Variants in PURA observed in about 807,000 individuals in gnomAD.
The protein encoded by PURA is purine rich element binding protein A, also known as transcriptional activator protein Pur-alpha.
A neutral mutation model predicts 23.1 loss-of-function variants in PURA; 2 were observed. That is an observed-to-expected ratio of 0.09 (90% CI 0.04 to 0.27). The LOEUF (loss-of-function observed/expected upper bound fraction) is 0.27, where lower values mean the gene tolerates loss of function less well. Among genes scored for constraint, PURA ranks in the 10% least tolerant of loss-of-function variants. The probability of loss-of-function intolerance (pLI) is 1.00; values close to 1 mark genes in which losing one functional copy is unlikely to be tolerated. For missense variants in PURA, 187 were observed against 449.7 expected (o/e 0.42, Z 5.28); for synonymous variants, 254 against 205.9 (o/e 1.23, Z -2.00).
Position 140,125,313 on chromosome 5 carries a change from G to T in PURA, c.*10163G>T, listed in dbSNP as rs1309633768. The T allele has an allele frequency of 6.0e-6, 1 of 167,000 alleles. No homozygotes were observed. The highest frequency in any genetic ancestry group is 6.5e-5 in the Admixed American group (1 of 15,272). The allele number at this position is 167,000 out of a possible 1,614,324, so 10.3% of individuals were successfully genotyped here. A position where few individuals can be genotyped will look rare whatever the true frequency, so the allele number is the denominator to read the frequency against. ...TAAAACCTTTCATATTGGAATTATTGTTAGATGGTGGCCCCTACTAGCAAA... is the reference window on the plus strand; with the variant it reads ...TAAAACCTTTCATATTGGAATTATTTTTAGATGGTGGCCCCTACTAGCAAA... On this transcript the variant is annotated 3_prime_UTR_variant, in exon 1 of 1. Coordinates refer to ENST00000331327, the MANE Select transcript of PURA (RefSeq NM_005859.5).
rs946785158 is a variant in PURA, at chr5:140,119,139, C to T, written c.*3989C>T. ...AATATATTAGTCTAAGTTTTGTATG[C>T]TAACAGAAAGATATAATTTAGCTAC... On this transcript the variant is annotated 3_prime_UTR_variant, in exon 1 of 1. Coordinates refer to ENST00000331327, the MANE Select transcript of PURA (RefSeq NM_005859.5). The T allele has an allele frequency of 6.0e-6, 1 of 166,596 alleles. No individual in the cohort carries two copies. Among genetic ancestry groups the T allele is most frequent in the Non-Finnish European group, 1.5e-5 (1 of 67,962 alleles). The allele number at this position is 166,596 out of a possible 1,614,324, so 10.3% of individuals were successfully genotyped here.
At position 140,114,260 on chromosome 5, in the gene PURA, G is replaced by C. The variant is rs1470806491; in HGVS notation, c.79G>C (p.Gly27Arg). 8.2e-7 allele frequency: 1 copy of C among 1,215,266 alleles called. No homozygotes were observed. The highest frequency in any genetic ancestry group is 1.0e-6 in the Non-Finnish European group (1 of 982,910). 75.3% of individuals were successfully genotyped at this position (1,215,266 alleles called of 1,614,324 possible). The change falls in exon 1 of 1, where the codon GGC becomes CGC. Residue 27 changes from glycine to arginine, a missense_variant. Physicochemically the swap from Gly to Arg is moderately radical, Grantham distance 125. This residue lies in a region of PURA where 33 missense variants were observed against 30.4 expected (regional missense o/e 1.08). Coordinates refer to ENST00000331327, the MANE Select transcript of PURA (RefSeq NM_005859.5). ...SGGSLGHPGS[G>R]SGSGGGGGGG... The stretch of plus-strand genomic sequence containing the variant: ...CGGCTCCCTGGGGCACCCCGGCTCG[G>C]GCTCAGGCTCCGGCGGGGGCGGTGG...
At position 140,125,400 on chromosome 5, in the gene PURA, A is replaced by G. The variant is rs1763201484; in HGVS notation, c.*10250A>G. The G allele has an allele frequency of 6.0e-6, 1 of 167,066 alleles. No individual in the cohort carries two copies. Among genetic ancestry groups the G allele is most frequent in the Non-Finnish European group, 1.5e-5 (1 of 68,114 alleles). 10.3% of individuals were successfully genotyped at this position (167,066 alleles called of 1,614,324 possible). ...CAACCAGAGAGAAGGGAAAAAAGCAAAGTTCTGAAAGCTATTTATAAGGAG... is the reference window on the plus strand; with the variant it reads ...CAACCAGAGAGAAGGGAAAAAAGCAGAGTTCTGAAAGCTATTTATAAGGAG... On this transcript the variant is annotated 3_prime_UTR_variant, in exon 1 of 1. Transcript: ENST00000331327.
Position 140,116,163 on chromosome 5 carries a change from A to G in PURA, c.*1013A>G, listed in dbSNP as rs1763077917. 6.0e-6 allele frequency: 1 copy of G among 167,070 alleles called. No individual in the cohort carries two copies. Among genetic ancestry groups the G allele is most frequent in the African/African-American group, 2.4e-5 (1 of 41,448 alleles). The allele number at this position is 167,070 out of a possible 1,614,324, so 10.3% of individuals were successfully genotyped here. On this transcript the variant is annotated 3_prime_UTR_variant, in exon 1 of 1. Transcript: ENST00000331327. ...ATAATATATTTTTTTTATTATGTGT[A>G]GAAAGATTTTAAAAAACTAACGTGC... is the stretch of plus-strand genomic sequence containing the variant.
In PURA at chr5:140,118,679, C is replaced by G. The variant is rs1251103024; in HGVS notation, c.*3529C>G. ...GACAATGCTAGTCAGAAAAGACAAA[C>G]TGTTTTCCAGCTTCTCAAAAAGCCA... On this transcript the variant is annotated 3_prime_UTR_variant, in exon 1 of 1. Coordinates refer to ENST00000331327, the MANE Select transcript of PURA (RefSeq NM_005859.5). The G allele has an allele frequency of 6.0e-6, 1 of 166,812 alleles. No homozygotes were observed. The highest frequency in any genetic ancestry group is 1.9e-4 in the East Asian group (1 of 5,202). The allele number at this position is 166,812 out of a possible 1,614,324, so 10.3% of individuals were successfully genotyped here. A position where few individuals can be genotyped will look rare whatever the true frequency, so the allele number is the denominator to read the frequency against.
chr5:140,115,719 T>C lies in PURA; in HGVS notation c.*569T>C, dbSNP rs1268502816. The C allele has an allele frequency of 1.8e-5, 3 of 167,090 alleles. No homozygotes were observed. The highest frequency in any genetic ancestry group is 6.5e-5 in the Admixed American group (1 of 15,290). The allele number at this position is 167,090 out of a possible 1,614,324, so 10.4% of individuals were successfully genotyped here. A position where few individuals can be genotyped will look rare whatever the true frequency, so the allele number is the denominator to read the frequency against. On this transcript the variant is annotated 3_prime_UTR_variant, in exon 1 of 1. Transcript: ENST00000331327. This position sits in a 1 kb window ranked among gnomAD's most constrained non-coding sequence, Gnocchi z 4.1. Reference sequence around the variant, plus strand: ...ACCTTACATGGAGGTTATTATAGTATATTTGACACCCTATATACCTGTGAT... The same window carrying C: ...ACCTTACATGGAGGTTATTATAGTACATTTGACACCCTATATACCTGTGAT...
In PURA at chr5:140,114,481, T is replaced by C. The variant is rs1581036279; in HGVS notation, c.300T>C (p.Leu100=). 1 of 1,612,764 alleles carries C rather than the reference T, an allele frequency of 6.2e-7. No homozygotes were observed. The highest frequency in any genetic ancestry group is 8.5e-7 in the Non-Finnish European group (1 of 1,179,690). Residue 100 remains leucine (L), a synonymous_variant, in exon 1 of 1, where the codon CTT becomes CTC. Transcript: ENST00000331327. The part of the protein sequence containing the change: ...EVGAGGNKSR[L]TLSMSVAVEF... ...GCGCGGGCGGCAACAAGAGCCGCCT[T>C]ACTCTCTCCATGTCAGTGGCCGTGG...
In PURA at chr5:140,114,148, A is replaced by G; in HGVS notation, c.-34A>G. The G allele has an allele frequency of 1.9e-6, 1 of 513,902 alleles. No individual in the cohort carries two copies. Among genetic ancestry groups the G allele is most frequent in the Non-Finnish European group, 2.9e-6 (1 of 350,090 alleles). 31.8% of individuals were successfully genotyped at this position (513,902 alleles called of 1,614,324 possible). A position where few individuals can be genotyped will look rare whatever the true frequency, so the allele number is the denominator to read the frequency against. On this transcript the variant is annotated 5_prime_UTR_variant, in exon 1 of 1. Transcript: ENST00000331327. ...CGACTGAGGCGGCGGGCGGAGCGGC[A>G]GGCGGCGGCGGCGCGGCAGCGGAGC...
At position 140,119,543 on chromosome 5, in the gene PURA, G is replaced by T. The variant is rs1173180408; in HGVS notation, c.*4393G>T. ...TAAATCCGTTGATAATGAGAATCTGGGTGGGTATCATGGCCCAAGCACTTT... is the reference window on the plus strand; with the variant it reads ...TAAATCCGTTGATAATGAGAATCTGTGTGGGTATCATGGCCCAAGCACTTT... On this transcript the variant is annotated 3_prime_UTR_variant, in exon 1 of 1. Transcript: ENST00000331327. 2 of 166,620 alleles carry T rather than the reference G, an allele frequency of 1.2e-5. No individual in the cohort carries two copies. The highest frequency in any genetic ancestry group is 2.9e-5 in the Non-Finnish European group (2 of 67,886). The allele number at this position is 166,620 out of a possible 1,614,324, so 10.3% of individuals were successfully genotyped here.
Position 140,114,724 on chromosome 5 carries a change from C to T in PURA, c.543C>T (p.Gly181=), listed in dbSNP as rs555886273. The change falls in exon 1 of 1, where the codon GGC becomes GGT. Residue 181 remains glycine (G), a synonymous_variant. Transcript: ENST00000331327. ...RQTVNRGPGL[G]STQGQTIALP... The stretch of plus-strand genomic sequence containing the variant: ...CGGTCAACCGGGGGCCTGGCCTGGG[C>T]TCCACGCAGGGCCAGACCATTGCGC... 1.8e-5 allele frequency: 29 copies of T among 1,612,930 alleles called. No homozygotes were observed. In the East Asian group the frequency reaches 4.7e-4, roughly 26 times the overall value.
chr5:140,114,571 G>A lies in PURA; in HGVS notation c.390G>A (p.Pro130=), dbSNP rs771038985. ...CGCAGCTGGGCCCCAGCCAGCCGCC[G>A]GACCTGGCCCAGGCGCAGGACGAGC... is the stretch of plus-strand genomic sequence containing the variant. ...HYAQLGPSQP[P]DLAQAQDEPR... The change falls in exon 1 of 1, where the codon CCG becomes CCA. Residue 130 remains proline (P), a synonymous_variant. Transcript: ENST00000331327. 7.2e-5 allele frequency: 116 copies of A among 1,602,692 alleles called. No homozygotes were observed. The highest frequency in any genetic ancestry group is 8.8e-5 in the Non-Finnish European group (103 of 1,176,692).
Position 140,123,730 on chromosome 5 carries a change from G to A in PURA, c.*8580G>A, listed in dbSNP as rs962110144. 3.6e-5 allele frequency: 6 copies of A among 166,964 alleles called. No individual in the cohort carries two copies. The highest frequency in any genetic ancestry group is 1.3e-4 in the Admixed American group (2 of 15,272). The allele number at this position is 166,964 out of a possible 1,614,324, so 10.3% of individuals were successfully genotyped here. ...TAGGATAGGGAATATATATGTATGT[G>A]TATATGAAATGATGTCTTCGAGTTT... On this transcript the variant is annotated 3_prime_UTR_variant, in exon 1 of 1. Transcript: ENST00000331327.
rs1016623754 is a variant in PURA, at chr5:140,118,560, G to A, written c.*3410G>A. 21 of 166,876 alleles carry A rather than the reference G, an allele frequency of 1.3e-4. No homozygotes were observed. Among genetic ancestry groups the A allele is most frequent in the African/African-American group, 4.8e-4 (20 of 41,388 alleles). The allele number at this position is 166,876 out of a possible 1,614,324, so 10.3% of individuals were successfully genotyped here. A position where few individuals can be genotyped will look rare whatever the true frequency, so the allele number is the denominator to read the frequency against. ...TGTAGAAATCATTATACATGCCTTT[G>A]ACAACAAAGGAAGTTCATAAGAAAA... On this transcript the variant is annotated 3_prime_UTR_variant, in exon 1 of 1. Coordinates refer to ENST00000331327, the MANE Select transcript of PURA (RefSeq NM_005859.5).
rs1263890620 is a variant in PURA, at chr5:140,124,174, T to C, written c.*9024T>C. 1.2e-5 allele frequency: 2 copies of C among 167,066 alleles called. No homozygotes were observed. Among genetic ancestry groups the C allele is most frequent in the African/African-American group, 4.8e-5 (2 of 41,468 alleles). The allele number at this position is 167,066 out of a possible 1,614,324, so 10.3% of individuals were successfully genotyped here. ...AATTGCAAAAAAATTTAAAAATTGA[T>C]AGTTTTATCAATGGAACAGAGAGAT... is the stretch of plus-strand genomic sequence containing the variant. On this transcript the variant is annotated 3_prime_UTR_variant, in exon 1 of 1. Transcript: ENST00000331327.
rs928813185 is a variant in PURA, at chr5:140,120,755, A to G, written c.*5605A>G. The G allele has an allele frequency of 6.0e-6, 1 of 166,894 alleles. No individual in the cohort carries two copies. Among genetic ancestry groups the G allele is most frequent in the South Asian group, 2.1e-4 (1 of 4,834 alleles). 10.3% of individuals were successfully genotyped at this position (166,894 alleles called of 1,614,324 possible). ...CTGCTAAGCTAACTACCAAGTTTTG[A>G]TGTTGAATGGTCCAGGCAATTTATG... On this transcript the variant is annotated 3_prime_UTR_variant, in exon 1 of 1. Transcript: ENST00000331327.
rs1763126180 is a variant in PURA at position 140,119,508 on chromosome 5, G to A, written c.*4358G>A. On this transcript the variant is annotated 3_prime_UTR_variant, in exon 1 of 1. Coordinates refer to ENST00000331327, the MANE Select transcript of PURA (RefSeq NM_005859.5). ...TGAATTAAATTTGGGTGGAAGGGAG[G>A]GGGAAAAGATAAATCCGTTGATAAT... The A allele has an allele frequency of 6.0e-6, 1 of 166,594 alleles. No individual in the cohort carries two copies. The highest frequency in any genetic ancestry group is 2.4e-5 in the African/African-American group (1 of 41,374). 10.3% of individuals were successfully genotyped at this position (166,594 alleles called of 1,614,324 possible).
At position 140,122,623 on chromosome 5, in the gene PURA, C is replaced by T. The variant is rs1763165589; in HGVS notation, c.*7473C>T. ...CCCCCAAACTCATGTTTCTGTTTCC[C>T]TACTTTCTCTCTTACTTTAAAATTG... On this transcript the variant is annotated 3_prime_UTR_variant, in exon 1 of 1. Transcript: ENST00000331327. 1 of 166,820 alleles carries T rather than the reference C, an allele frequency of 6.0e-6. No homozygotes were observed. The highest frequency in any genetic ancestry group is 6.6e-5 in the Admixed American group (1 of 15,244). The allele number at this position is 166,820 out of a possible 1,614,324, so 10.3% of individuals were successfully genotyped here.
rs1353690192 is a variant in PURA at position 140,125,611 on chromosome 5, G to A, written c.*10461G>A. 2 of 166,850 alleles carry A rather than the reference G, an allele frequency of 1.2e-5. No individual in the cohort carries two copies. The highest frequency in any genetic ancestry group is 1.5e-5 in the Non-Finnish European group (1 of 68,058). 10.3% of individuals were successfully genotyped at this position (166,850 alleles called of 1,614,324 possible). On this transcript the variant is annotated 3_prime_UTR_variant, in exon 1 of 1. Coordinates refer to ENST00000331327, the MANE Select transcript of PURA (RefSeq NM_005859.5). The stretch of plus-strand genomic sequence containing the variant: ...CTGTTGGGAAACAAGATGTCACTAG[G>A]GAAAAAAAGATTTGCCTTACAACTT...
chr5:140,123,973 T>C lies in PURA; in HGVS notation c.*8823T>C, dbSNP rs528622824. The C allele has an allele frequency of 6.0e-6, 1 of 167,154 alleles. No individual in the cohort carries two copies. The highest frequency in any genetic ancestry group is 2.1e-4 in the South Asian group (1 of 4,828). 10.4% of individuals were successfully genotyped at this position (167,154 alleles called of 1,614,324 possible). The stretch of plus-strand genomic sequence containing the variant: ...TTCAAGTTGTTATATTGAATATTCC[T>C]TTTTGGAATTCAGGGTTGAATCACT... On this transcript the variant is annotated 3_prime_UTR_variant, in exon 1 of 1. Transcript: ENST00000331327.
Sources: gnomAD v4.1 joint callset for allele counts on GRCh38, gnomAD v4.1.1 for gene constraint, gnomAD v4.1.1 regional missense constraint, Gnocchi (gnomAD v3.1) non-coding constraint, MANE v1.5 for transcripts, NCBI Gene and HGNC (gene_info 2026-07-23, HGNC 2026-07-21) for gene names.